LRP1B: variants seen among roughly 807,000 people sequenced by gnomAD.
LRP1B encodes low-density lipoprotein receptor-related protein 1B.
A neutral mutation model predicts 556.6 loss-of-function variants in LRP1B; 217 were observed. That is an observed-to-expected ratio of 0.39 (90% CI 0.35 to 0.44). LRP1B has a LOEUF of 0.44. Ranked by LOEUF, LRP1B falls within the 20% of genes least tolerant of loss-of-function variation. The pLI is 1.00. For missense variants in LRP1B, 5,053 were observed against 5,620.8 expected (o/e 0.90, Z 3.23); for synonymous variants, 2,047 against 1,865.8 (o/e 1.10, Z -2.50).
At chr2:140,755,324 T>C (rs1688708514) in intron 35 of LRP1B, among the ~76,000 whole-genome samples, 1 of 151,972 alleles carries the variant, frequency 6.6e-6, no homozygotes, top group South Asian at 2.1e-4. Context: ...GAGGCCAAAA[T>C]ATGTGTTACC....
chr2:141,853,074 T>C (rs61632456), intron 1 of LRP1B, among the ~76,000 whole-genome samples: 14,363 of 151,710 alleles, frequency 0.095, 744 homozygotes, highest in South Asian at 0.21. Flanking sequence ...CTTTATTATA[T>C]TGATATTAAA....
At chr2:141,037,662 T>A (rs1331723022) in intron 11 of LRP1B, among the ~76,000 whole-genome samples, 1 of 151,962 alleles carries the variant, frequency 6.6e-6, no homozygotes, top group East Asian at 1.9e-4. Flanking sequence ...CCACACAGGA[T>A]AGAATTCTGG....
chr2:140,854,449 A>G (rs1446280497), intron 27 of LRP1B, among the ~76,000 whole-genome samples: 1 of 152,084 alleles, frequency 6.6e-6, no homozygotes, highest in Non-Finnish European at 1.5e-5. Flanking sequence ...AAATCCACAA[A>G]GAATTCTTAC....
intron 75 of LRP1B, 146 bp downstream of exon 75, chr2:140,356,196 C>T (rs1040383135): frequency 3.7e-6 from 3 of 805,358 alleles, no homozygotes; most frequent in South Asian, 3.5e-5. Flanking sequence ...ACCCCAGAGA[C>T]TTTCATTCTC....
intron 3 of LRP1B, among the ~76,000 whole-genome samples, chr2:141,271,281 C>T (rs899367228): frequency 1.3e-5 from 2 of 150,632 alleles, no homozygotes; most frequent in African/African-American, 4.9e-5. Context: ...CCAACATACA[C>T]ATAATGAGAG....
intron 7 of LRP1B, among the ~76,000 whole-genome samples, chr2:141,131,536 G>A (rs1037644473): frequency 2.7e-5 from 4 of 148,994 alleles, no homozygotes; most frequent in African/African-American, 9.9e-5. Flanking sequence ...TTTTCCAATG[G>A]GAAGAAAATA....
At chr2:141,796,019 A>T (rs999826353) in intron 2 of LRP1B, among the ~76,000 whole-genome samples, 9 of 150,758 alleles carry the variant, frequency 6.0e-5, no homozygotes, top group African/African-American at 2.2e-4. Flanking sequence ...ACACAAGCCA[A>T]TCTCAGCTAC....
intron 7 of LRP1B, among the ~76,000 whole-genome samples, chr2:141,097,628 C>T (rs1023758312): frequency 3.3e-5 from 5 of 152,012 alleles, no homozygotes; most frequent in East Asian, 1.9e-4. Flanking sequence ...AAGCAACTTG[C>T]CTTTTTAAAA....
At chr2:141,651,591 G>A (rs977732766) in intron 2 of LRP1B, among the ~76,000 whole-genome samples, 1 of 152,160 alleles carries the variant, frequency 6.6e-6, no homozygotes, top group Non-Finnish European at 1.5e-5. Flanking sequence ...CTTGAGCCCG[G>A]GAGGTGGAGG....
intron 1 of LRP1B, among the ~76,000 whole-genome samples, chr2:141,943,272 C>T (rs973488973): frequency 6.6e-6 from 1 of 152,052 alleles, no homozygotes; most frequent in African/African-American, 2.4e-5. Flanking sequence ...ATTCCAAGTA[C>T]TTAGTTTTCA....
chr2:141,022,318 T>C (rs1698088446), intron 11 of LRP1B, among the ~76,000 whole-genome samples: 1 of 151,720 alleles, frequency 6.6e-6, no homozygotes. Context: ...GGGAGAATGA[T>C]AATGAATAAA....
intron 1 of LRP1B, among the ~76,000 whole-genome samples, chr2:141,994,537 T>G (rs1466412265): frequency 6.6e-6 from 1 of 152,146 alleles, no homozygotes; most frequent in Non-Finnish European, 1.5e-5. Context: ...AGTATACATG[T>G]GTGCATGTTG....
At chr2:140,482,362 C>G (rs906912103) in intron 59 of LRP1B, among the ~76,000 whole-genome samples, 3 of 152,076 alleles carry the variant, frequency 2.0e-5, no homozygotes, top group African/African-American at 7.2e-5. Context: ...ACTAAAGTGA[C>G]ACCTTAATTA....
At chr2:141,608,006 C>T (rs1249478898) in intron 2 of LRP1B, among the ~76,000 whole-genome samples, 1 of 152,062 alleles carries the variant, frequency 6.6e-6, no homozygotes, top group Non-Finnish European at 1.5e-5. Flanking sequence ...GGGCGGATCA[C>T]CTGAGGTAGG....
At chr2:141,386,722 T>C (rs753581701) in intron 3 of LRP1B, among the ~76,000 whole-genome samples, 1 of 151,958 alleles carries the variant, frequency 6.6e-6, no homozygotes, top group Non-Finnish European at 1.5e-5. Flanking sequence ...CCAAGAAATA[T>C]GAAGCAAACA....
intron 1 of LRP1B, among the ~76,000 whole-genome samples, chr2:142,061,660 A>C (rs1474420470): frequency 6.6e-6 from 1 of 151,986 alleles, no homozygotes; most frequent in Non-Finnish European, 1.5e-5. Context: ...TTCAGTTAAA[A>C]ACGACTAGTA....
intron 35 of LRP1B, among the ~76,000 whole-genome samples, chr2:140,721,328 CACAT>C (rs1193493719): frequency 3.3e-5 from 5 of 152,000 alleles, no homozygotes; most frequent in African/African-American, 1.2e-4. Context: ...GCTTTTATGT[CACAT>C]TTCTTTTTAA....
At chr2:141,893,582 G>GCT (rs1348089198) in intron 1 of LRP1B, among the ~76,000 whole-genome samples, 5 of 152,112 alleles carry the variant, frequency 3.3e-5, no homozygotes, top group Non-Finnish European at 7.4e-5. Flanking sequence ...AAATGCCTGA[G>GCT]CTAAGAAGGC....
intron 3 of LRP1B, among the ~76,000 whole-genome samples, chr2:141,308,689 A>G (rs1407873967): frequency 6.6e-6 from 1 of 152,152 alleles, no homozygotes; most frequent in African/African-American, 2.4e-5. Flanking sequence ...CAAAGTGTAC[A>G]GTTTTTAGAT....
Sources: allele counts gnomAD v4.1 joint callset (sites outside exome capture counted in the v4.1 genomes callset), GRCh38; gene constraint gnomAD v4.1.1; transcripts MANE v1.5; gene names NCBI Gene and HGNC (gene_info 2026-07-23, HGNC 2026-07-21).